ANKS1B: variants seen among roughly 807,000 people sequenced by gnomAD.
The protein encoded by ANKS1B is ankyrin repeat and sterile alpha motif domain-containing protein 1B.
Under a neutral mutation model 148.3 loss-of-function variants are expected in ANKS1B, and 36 were observed. The observed-to-expected ratio is 0.24, with a 90% CI of 0.19 to 0.32. The LOEUF (loss-of-function observed/expected upper bound fraction) is 0.32, where lower values mean the gene tolerates loss of function less well. ANKS1B is among the 10% of genes least tolerant of loss of function. ANKS1B has a pLI of 1.00. For missense variants in ANKS1B, 1,157 were observed against 1,542.6 expected (o/e 0.75, Z 4.19); for synonymous variants, 542 against 560.8 (o/e 0.97, Z 0.47).
At chr12:99,526,515 T>C (rs1323305109) in intron 9 of ANKS1B, among the ~76,000 whole-genome samples, 1 of 152,110 alleles carries the variant, frequency 6.6e-6, no homozygotes, top group Non-Finnish European at 1.5e-5. Context: ...GAAGCCTGCC[T>C]CTTGGTGTCA....
At chr12:99,311,938 A>G (rs1035569768) in intron 12 of ANKS1B, among the ~76,000 whole-genome samples, 2 of 152,126 alleles carry the variant, frequency 1.3e-5, no homozygotes, top group African/African-American at 4.8e-5. Flanking sequence ...TTTTCTCTCA[A>G]AGCAAACTAT....
intron 17 of ANKS1B, chr12:98,894,615 T>A (rs1172709187): frequency 5.6e-5 from 55 of 984,468 alleles, no homozygotes; most frequent in Non-Finnish European, 6.5e-5. Flanking sequence ...AGGGGGCCGC[T>A]GTGCCGCTAC....
At chr12:99,347,815 T>A (rs1192459560) in intron 12 of ANKS1B, among the ~76,000 whole-genome samples, 1 of 151,368 alleles carries the variant, frequency 6.6e-6, no homozygotes, top group African/African-American at 2.4e-5. Context: ...AAAAAAATAA[T>A]AAAGTGTGGC....
At chr12:99,052,981 C>T (rs1011090957) in intron 17 of ANKS1B, among the ~76,000 whole-genome samples, 176 bp downstream of exon 17, 5 of 151,994 alleles carry the variant, frequency 3.3e-5, no homozygotes, top group African/African-American at 1.2e-4. Context: ...CCTCTTAGTT[C>T]CCCCACATTT....
chr12:98,936,673 T>C (rs2099819037), intron 17 of ANKS1B, among the ~76,000 whole-genome samples: 1 of 152,152 alleles, frequency 6.6e-6, no homozygotes, highest in African/African-American at 2.4e-5. Context: ...AGCTCTCTGT[T>C]AACTAAGGCT....
At chr12:99,688,166 C>T (rs1036484650) in intron 8 of ANKS1B, among the ~76,000 whole-genome samples, 3 of 152,116 alleles carry the variant, frequency 2.0e-5, no homozygotes, top group Non-Finnish European at 4.4e-5. Flanking sequence ...CTCTGAGAAC[C>T]GCTGAGTATT....
chr12:99,491,181 T>C (rs1207350418), intron 10 of ANKS1B, among the ~76,000 whole-genome samples: 3 of 152,080 alleles, frequency 2.0e-5, no homozygotes, highest in Non-Finnish European at 4.4e-5. Flanking sequence ...GGTGGGTGCC[T>C]GTAGTCCCAG....
rs538136798 is a variant in ANKS1B, at chr12:98,800,210, A to G, written c.3270+787T>C. 8.6e-5 allele frequency among the ~76,000 whole-genome samples: 13 copies of G among 150,618 alleles called. No individual in the cohort carries two copies. The East Asian group carries it at 2.5e-3, about 29-fold the overall frequency. Reference sequence around the variant, plus strand: ...CTTTAGTAAAAGAGGGGCAGAAAGCAGAAAATGAAAAAAAAAAAAAAAAAA... The same window carrying G: ...CTTTAGTAAAAGAGGGGCAGAAAGCGGAAAATGAAAAAAAAAAAAAAAAAA... On this transcript the variant is annotated intron_variant, in intron 21 of 26. Transcript: ENST00000683438.
chr12:99,254,801 A>G (rs948227500), intron 12 of ANKS1B, among the ~76,000 whole-genome samples: 3 of 152,150 alleles, frequency 2.0e-5, no homozygotes, highest in African/African-American at 7.2e-5. Context: ...GTTAGTGTGA[A>G]TGACATTTGT....
intron 12 of ANKS1B, among the ~76,000 whole-genome samples, chr12:99,282,926 C>T (rs925025369): frequency 7.2e-5 from 11 of 151,940 alleles, no homozygotes; most frequent in African/African-American, 2.2e-4. Flanking sequence ...ACTTTGGAGT[C>T]ATCAGCATGA....
intron 8 of ANKS1B, among the ~76,000 whole-genome samples, chr12:99,675,716 TATC>T (rs1244530270): frequency 1.3e-4 from 20 of 151,910 alleles, no homozygotes; most frequent in Non-Finnish European, 2.2e-4. Context: ...CAAGGATATT[TATC>T]ATCATATTAT....
intron 1 of ANKS1B, among the ~76,000 whole-genome samples, chr12:99,832,665 A>G (rs1359165461): frequency 5.3e-5 from 8 of 151,872 alleles, no homozygotes; most frequent in African/African-American, 1.9e-4. Flanking sequence ...CAGAGGTTGC[A>G]GTGAGCCGAG....
At chr12:99,032,031 T>C (rs2099952552) in intron 17 of ANKS1B, among the ~76,000 whole-genome samples, 2 of 152,328 alleles carry the variant, frequency 1.3e-5, no homozygotes, top group Middle Eastern at 3.4e-3. Flanking sequence ...CAGGCCCTTC[T>C]TCTGTGGCTG....
intron 16 of ANKS1B, among the ~76,000 whole-genome samples, chr12:99,061,649 C>A (rs539252680): frequency 6.6e-6 from 1 of 152,154 alleles, no homozygotes; most frequent in African/African-American, 2.4e-5. Flanking sequence ...AATTAATATT[C>A]GATTCTTTAA....
At chr12:99,020,437 G>A (rs2099945101) in intron 17 of ANKS1B, among the ~76,000 whole-genome samples, 1 of 152,036 alleles carries the variant, frequency 6.6e-6, no homozygotes. Flanking sequence ...TGGAAACACT[G>A]ACAGAATCTT....
At chr12:99,550,607 G>C (rs1288619235) in intron 9 of ANKS1B, among the ~76,000 whole-genome samples, 3 of 146,908 alleles carry the variant, frequency 2.0e-5, no homozygotes, top group African/African-American at 7.9e-5. Flanking sequence ...CTGGGTGACA[G>C]AGTGAAACTC....
intron 18 of ANKS1B, 36 bp downstream of exon 18, chr12:98,831,993 A>T: frequency 1.3e-6 from 2 of 1,521,276 alleles, no homozygotes; most frequent in Non-Finnish European, 1.8e-6. Flanking sequence ...TCTTAAGATA[A>T]GGGCAGAGAA....
chr12:99,590,260 A>ACCCC (rs1555503151), intron 9 of ANKS1B, among the ~76,000 whole-genome samples: 4 of 127,864 alleles, frequency 3.1e-5, no homozygotes, highest in Admixed American at 1.5e-4. Flanking sequence ...ACACCCACCC[A>ACCCC]CACACACACA....
At chr12:99,443,949 C>CATG (rs2152798658) in intron 10 of ANKS1B, 140 bp from the exon 11 acceptor site, 1 of 962,922 alleles carries the variant, frequency 1.0e-6, no homozygotes, top group East Asian at 2.5e-5. Flanking sequence ...GGAATATGCT[C>CATG]AGTAGTATAT....
Sources: gnomAD v4.1 joint callset for allele counts (sites outside exome capture counted in the v4.1 genomes callset) on GRCh38, gnomAD v4.1.1 for gene constraint, MANE v1.5 for transcripts, NCBI Gene and HGNC (gene_info 2026-07-23, HGNC 2026-07-21) for gene names.